TAFA1: variants seen among roughly 807,000 people sequenced by gnomAD.
TAFA1 encodes the protein chemokine-like protein TAFA-1.
TAFA1 carries 4 observed loss-of-function variants against 18.5 expected under a neutral mutation model. The observed-to-expected ratio is 0.22, with a 90% CI of 0.11 to 0.49. The LOEUF is 0.49. TAFA1 is among the 20% of genes least tolerant of loss of function. The pLI is 0.98. For missense variants in TAFA1, 147 were observed against 169.0 expected (o/e 0.87, Z 0.72); for synonymous variants, 56 against 55.2 (o/e 1.01, Z -0.06).
chr3:68,399,673 C>G (rs1474590729), intron 2 of TAFA1, among the ~76,000 whole-genome samples: 1 of 152,108 alleles, frequency 6.6e-6, no homozygotes, highest in East Asian at 1.9e-4. Flanking sequence ...AACGACTACC[C>G]ACTTTGAGTG....
intron 3 of TAFA1, among the ~76,000 whole-genome samples, chr3:68,492,828 A>C (rs1559692416): frequency 6.6e-6 from 1 of 152,180 alleles, no homozygotes; most frequent in Admixed American, 6.5e-5. Context: ...AGGAGAAAGC[A>C]CTTGATTAAG....
chr3:68,354,443 G>C (rs262250), intron 2 of TAFA1, among the ~76,000 whole-genome samples: 75,344 of 151,444 alleles, frequency 0.5, 19,226 homozygotes, highest in East Asian at 0.72. Context: ...CCCAATCTCC[G>C]CTACTCTCTA....
At chr3:68,250,389 A>G (rs1419851605) in intron 2 of TAFA1, among the ~76,000 whole-genome samples, 1 of 152,208 alleles carries the variant, frequency 6.6e-6, no homozygotes, top group African/African-American at 2.4e-5. Context: ...GTATTCCAAG[A>G]AAGTGCAACA....
At chr3:68,273,236 A>C (rs1431188919) in intron 2 of TAFA1, among the ~76,000 whole-genome samples, 1 of 152,158 alleles carries the variant, frequency 6.6e-6, no homozygotes, top group Non-Finnish European at 1.5e-5. Context: ...AAGGGAAAGC[A>C]AGTGCAAAGC....
rs145772334 is a variant in TAFA1 at position 68,035,126 on chromosome 3, C to A, written c.118+28382C>A. Among the ~76,000 whole-genome samples, 473 of 152,240 alleles carry A rather than the reference C, an allele frequency of 3.1e-3. 2 individuals are homozygous for A. Among genetic ancestry groups the A allele is most frequent in the African/African-American group, 0.01 (429 of 41,538 alleles). ...TTGTAATTTATTTCCCAGATCTTGTCATCTCAGATTTATTTTTAAGAAACA... is the reference window on the plus strand; with the variant it reads ...TTGTAATTTATTTCCCAGATCTTGTAATCTCAGATTTATTTTTAAGAAACA... On this transcript the variant is annotated intron_variant, in intron 2 of 4. Coordinates refer to ENST00000478136, the MANE Select transcript of TAFA1 (RefSeq NM_213609.4).
At chr3:68,272,500 A>G (rs1287237355) in intron 2 of TAFA1, among the ~76,000 whole-genome samples, 1 of 152,198 alleles carries the variant, frequency 6.6e-6, no homozygotes, top group Non-Finnish European at 1.5e-5. Context: ...GTTATTGAGT[A>G]TAATGGGATG....
At chr3:68,046,875 T>C (rs1012461494) in intron 2 of TAFA1, among the ~76,000 whole-genome samples, 3 of 152,198 alleles carry the variant, frequency 2.0e-5, no homozygotes, top group African/African-American at 7.2e-5. Context: ...AGGTTAAGCC[T>C]GATGATATTA....
chr3:68,108,990 C>T (rs2065234957), intron 2 of TAFA1, among the ~76,000 whole-genome samples: 1 of 151,826 alleles, frequency 6.6e-6, no homozygotes, highest in Admixed American at 6.6e-5. Context: ...TTATCATTAA[C>T]TTCTTCCATG....
chr3:68,433,314 A>G (rs958865284), intron 3 of TAFA1, among the ~76,000 whole-genome samples: 11 of 151,636 alleles, frequency 7.3e-5, no homozygotes, highest in Admixed American at 1.3e-4. Context: ...TTCCATCTCA[A>G]TTTCTATCCA....
At chr3:68,022,851 TA>T (rs1175698859) in intron 2 of TAFA1, among the ~76,000 whole-genome samples, 1 of 143,608 alleles carries the variant, frequency 7.0e-6, no homozygotes, top group African/African-American at 2.7e-5. Flanking sequence ...ATTATATATA[TA>T]TATATATAAA....
intron 2 of TAFA1, among the ~76,000 whole-genome samples, chr3:68,068,695 G>A (rs1052799035): frequency 6.6e-6 from 1 of 152,136 alleles, no homozygotes; most frequent in East Asian, 1.9e-4. Context: ...AAGACCTCAT[G>A]TGTTATGGTT....
intron 2 of TAFA1, among the ~76,000 whole-genome samples, chr3:68,319,344 T>A (rs2068660932): frequency 6.6e-6 from 1 of 152,186 alleles, no homozygotes; most frequent in Admixed American, 6.5e-5. Context: ...CCTTCCTTCA[T>A]CATTCCCCCA....
intron 2 of TAFA1, among the ~76,000 whole-genome samples, chr3:68,085,611 A>AC (rs1428598506): frequency 6.6e-6 from 1 of 152,208 alleles, no homozygotes; most frequent in African/African-American, 2.4e-5. Context: ...CTGAAGATCA[A>AC]CCTGCTGCCT....
intron 2 of TAFA1, among the ~76,000 whole-genome samples, chr3:68,037,668 G>A (rs985779294): frequency 2.0e-5 from 3 of 152,180 alleles, no homozygotes; most frequent in Admixed American, 6.5e-5. Flanking sequence ...TCTGGTATGT[G>A]GAAGGGATCT....
chr3:68,114,986 A>T (rs1326602175), intron 2 of TAFA1, among the ~76,000 whole-genome samples: 1 of 152,240 alleles, frequency 6.6e-6, no homozygotes, highest in Non-Finnish European at 1.5e-5. Flanking sequence ...AAACAAGGCA[A>T]GTAAGGCAAA....
At chr3:68,525,014 G>A (rs1156674900) in intron 3 of TAFA1, among the ~76,000 whole-genome samples, 2 of 152,088 alleles carry the variant, frequency 1.3e-5, no homozygotes, top group Non-Finnish European at 2.9e-5. Context: ...TGTTCCACTC[G>A]ACTTTCAATT....
At chr3:68,543,505 A>T (rs2073410683) in intron 4 of TAFA1, among the ~76,000 whole-genome samples, 1 of 152,042 alleles carries the variant, frequency 6.6e-6, no homozygotes, top group Non-Finnish European at 1.5e-5. Context: ...GAGGTAGAAG[A>T]CCCCAGATTG....
At chr3:68,148,336 T>C (rs2065767667) in intron 2 of TAFA1, among the ~76,000 whole-genome samples, 3 of 152,238 alleles carry the variant, frequency 2.0e-5, no homozygotes, top group African/African-American at 7.2e-5. Flanking sequence ...CCTTCTCTCA[T>C]ATCATTTTGC....
intron 3 of TAFA1, among the ~76,000 whole-genome samples, chr3:68,496,824 T>G (rs889548484): frequency 2.6e-5 from 4 of 152,206 alleles, no homozygotes; most frequent in Admixed American, 1.3e-4. Flanking sequence ...ATTACCTATA[T>G]CATGGGGTGG....
Sources: gnomAD v4.1 joint callset for allele counts (sites outside exome capture counted in the v4.1 genomes callset) on GRCh38, gnomAD v4.1.1 for gene constraint, MANE v1.5 for transcripts, NCBI Gene and HGNC (gene_info 2026-07-23, HGNC 2026-07-21) for gene names.